Variants in EYS observed in about 807,000 individuals in gnomAD.
EYS encodes the protein EGF-like photoreceptor maintenance factor.
EYS carries 250 observed loss-of-function variants against 282.1 expected under a neutral mutation model. The ratio of observed to expected loss-of-function variants is 0.89; its 90% CI spans 0.80 to 0.98. The LOEUF is 0.98. Among genes scored for constraint, EYS ranks in the 50% least tolerant of loss-of-function variants. The pLI is 0.00. For missense variants in EYS, 4,016 were observed against 3,709.0 expected, an observed-to-expected ratio of 1.08 and a Z score of -2.15; for synonymous variants, 1,355 against 1,282.9, an observed-to-expected ratio of 1.06 and a Z score of -1.20.
chr6:65,382,473 G>GTC (rs1765654081), intron 8 of EYS, among the ~76,000 whole-genome samples: 4 of 67,370 alleles, frequency 5.9e-5, no homozygotes, highest in African/African-American at 1.5e-4. Flanking sequence ...GTGTGTGTGT[G>GTC]TGTGTGTGTG....
rs1312890274 is a variant in EYS, at chr6:64,445,818, G to A, written c.5645-6466C>T. The stretch of plus-strand genomic sequence containing the variant: ...CTAGAAGTTAACTGGCTAGAACTGG[G>A]TGACCAATGAAGCCCTCTGTTGGAG... On this transcript the variant is annotated intron_variant, in intron 26 of 42. Transcript: ENST00000503581. 6.6e-5 allele frequency among the ~76,000 whole-genome samples: 10 copies of A among 152,096 alleles called. 1 individual carries two copies. The highest frequency in any genetic ancestry group is 1.3e-4 in the Non-Finnish European group (9 of 68,022).
chr6:65,466,204 G>A (rs554270771), intron 5 of EYS, among the ~76,000 whole-genome samples: 6 of 151,816 alleles, frequency 4.0e-5, no homozygotes, highest in African/African-American at 1.4e-4. Context: ...CCAAGAATTG[G>A]AACTAAAAAA....
chr6:65,632,741 C>T (rs1253426352), intron 2 of EYS, among the ~76,000 whole-genome samples: 1 of 151,962 alleles, frequency 6.6e-6, no homozygotes. Flanking sequence ...TAATATATAC[C>T]ACTAGGTAAG....
In EYS at chr6:63,907,600, C is replaced by A. The variant is rs114734486; in HGVS notation, c.7056-43242G>T. 7.1e-4 allele frequency among the ~76,000 whole-genome samples: 108 copies of A among 152,244 alleles called. 1 individual carries two copies. Among genetic ancestry groups the A allele is most frequent in the African/African-American group, 2.5e-3 (105 of 41,548 alleles). On this transcript the variant is annotated intron_variant, in intron 35 of 42. Transcript: ENST00000503581. ...TTTAAACTATCTCCTCTTAGCATAA[C>A]TTGAATATATAAGTACCAAGGCATT...
intron 24 of EYS, among the ~76,000 whole-genome samples, chr6:64,602,264 T>C (rs1051442775): frequency 4.6e-5 from 7 of 152,074 alleles, no homozygotes; most frequent in African/African-American, 1.4e-4. Flanking sequence ...TATAAAATTA[T>C]ATTTACAAAA....
intron 1 of EYS, among the ~76,000 whole-genome samples, chr6:65,690,894 C>T (rs1232578779): frequency 1.3e-5 from 2 of 150,050 alleles, no homozygotes; most frequent in East Asian, 4.6e-4. Flanking sequence ...CAACCATGTC[C>T]CCACAAAGAA....
At chr6:63,933,060 G>GAAC (rs1189006802) in intron 35 of EYS, among the ~76,000 whole-genome samples, 2 of 152,320 alleles carry the variant, frequency 1.3e-5, no homozygotes, top group African/African-American at 4.8e-5. Flanking sequence ...GGATACAGAT[G>GAAC]AACAGCCAGA....
chr6:64,168,492 T>C (rs1764373605), intron 31 of EYS, among the ~76,000 whole-genome samples: 1 of 152,222 alleles, frequency 6.6e-6, no homozygotes, highest in South Asian at 2.1e-4. Flanking sequence ...AAGACCTGTA[T>C]ATATTTTTCA....
At chr6:64,007,528 G>C (rs1768408757) in intron 33 of EYS, among the ~76,000 whole-genome samples, 2 of 151,760 alleles carry the variant, frequency 1.3e-5, no homozygotes, top group African/African-American at 4.8e-5. Context: ...CTTGTCTTCT[G>C]CTAGCTTTGT....
chr6:63,898,259 C>T (rs967846680), intron 35 of EYS, among the ~76,000 whole-genome samples: 3 of 152,020 alleles, frequency 2.0e-5, no homozygotes, highest in African/African-American at 7.2e-5. Context: ...GAGGCTGAGG[C>T]GGGTGGGTCA....
chr6:65,680,138 A>T (rs915660939), intron 1 of EYS, among the ~76,000 whole-genome samples: 1 of 151,382 alleles, frequency 6.6e-6, no homozygotes, highest in Non-Finnish European at 1.5e-5. Flanking sequence ...CTCAATCAAT[A>T]TAAGTTACAT....
intron 28 of EYS, among the ~76,000 whole-genome samples, chr6:64,423,783 G>A (rs1384144353): frequency 6.6e-6 from 1 of 152,102 alleles, no homozygotes; most frequent in African/African-American, 2.4e-5. Context: ...ACTCCAGCCT[G>A]GACGACAGAG....
chr6:65,287,614 T>C (rs556039546), intron 12 of EYS, among the ~76,000 whole-genome samples: 1 of 151,316 alleles, frequency 6.6e-6, no homozygotes, highest in Non-Finnish European at 1.5e-5. Context: ...AGAAACCAAT[T>C]TAGAATTAAA....
intron 8 of EYS, among the ~76,000 whole-genome samples, chr6:65,358,074 G>T (rs1488855344): frequency 6.6e-6 from 1 of 151,770 alleles, no homozygotes; most frequent in African/African-American, 2.4e-5. Flanking sequence ...ATTAACTTTG[G>T]CCCATCAATC....
At chr6:64,560,162 T>C (rs776357654) in intron 26 of EYS, among the ~76,000 whole-genome samples, 3 of 152,074 alleles carry the variant, frequency 2.0e-5, no homozygotes, top group Non-Finnish European at 4.4e-5. Flanking sequence ...CATACCAAAA[T>C]ATACTAATTT....
chr6:65,506,456 C>CTTTTTTTTT (rs1562228589), intron 2 of EYS, among the ~76,000 whole-genome samples: 1 of 89,488 alleles, frequency 1.1e-5, no homozygotes, highest in Non-Finnish European at 2.4e-5. Flanking sequence ...TCCTTCCTTC[C>CTTTTTTTTT]TTTCTTTTTT....
intron 2 of EYS, among the ~76,000 whole-genome samples, chr6:65,498,438 G>A (rs1011603405): frequency 1.3e-5 from 2 of 152,004 alleles, no homozygotes; most frequent in Non-Finnish European, 2.9e-5. Context: ...ACATGTAAAT[G>A]CGAGGAAACA....
chr6:64,816,867 T>C (rs1764753491), intron 21 of EYS, among the ~76,000 whole-genome samples: 1 of 151,778 alleles, frequency 6.6e-6, no homozygotes, highest in South Asian at 2.1e-4. Flanking sequence ...TAAAATATCT[T>C]AAATATCCAA....
At chr6:64,102,402 T>C (rs1772860025) in intron 31 of EYS, among the ~76,000 whole-genome samples, 1 of 152,136 alleles carries the variant, frequency 6.6e-6, no homozygotes, top group South Asian at 2.1e-4. Context: ...ATTAAAATGA[T>C]GAATATTGAC....
Sources: allele counts gnomAD v4.1 joint callset (sites outside exome capture counted in the v4.1 genomes callset), GRCh38; gene constraint gnomAD v4.1.1; transcripts MANE v1.5; gene names NCBI Gene and HGNC (gene_info 2026-07-23, HGNC 2026-07-21).